The following BRINP3 variants were observed in gnomAD, a reference collection of about 807,000 sequenced individuals.
BRINP3 encodes BMP/retinoic acid inducible neural specific 3.
BRINP3 carries 19 observed loss-of-function variants against 71.0 expected under a neutral mutation model. That is an observed-to-expected ratio of 0.27 (90% CI 0.19 to 0.39). The LOEUF is 0.39. BRINP3 is among the 10% of genes least tolerant of loss of function. The pLI is 1.00. For missense variants in BRINP3, 959 were observed against 940.8 expected (o/e 1.02, Z -0.25); for synonymous variants, 380 against 337.7 (o/e 1.13, Z -1.37).
At chr1:190,405,473 A>C (rs1558256880) in intron 2 of BRINP3, among the ~76,000 whole-genome samples, 15 of 92,128 alleles carry the variant, frequency 1.6e-4, no homozygotes, top group Admixed American at 2.9e-4. Flanking sequence ...AAAAAAAAAA[A>C]AAAAAAAAAA....
At chr1:190,470,933 A>G (rs1444946925) in intron 1 of BRINP3, among the ~76,000 whole-genome samples, 3 of 151,174 alleles carry the variant, frequency 2.0e-5, no homozygotes, top group Admixed American at 2.0e-4. Context: ...TGAGTATGAA[A>G]TTGGGAAATG....
At chr1:190,196,156 A>T (rs970060954) in intron 6 of BRINP3, among the ~76,000 whole-genome samples, 2 of 152,176 alleles carry the variant, frequency 1.3e-5, no homozygotes, top group Admixed American at 1.3e-4. Context: ...CTAATATATT[A>T]TCCCAACCCT....
chr1:190,371,014 T>G (rs936117374), intron 2 of BRINP3, among the ~76,000 whole-genome samples: 1 of 152,204 alleles, frequency 6.6e-6, no homozygotes, highest in African/African-American at 2.4e-5. Context: ...TTTGCCCATA[T>G]TATTATTGAA....
intron 2 of BRINP3, among the ~76,000 whole-genome samples, chr1:190,365,819 T>TATATAC: frequency 6.9e-6 from 1 of 145,526 alleles, no homozygotes; most frequent in Non-Finnish European, 1.5e-5. Context: ...TATATATATA[T>TATATAC]ATATATATAT....
intron 2 of BRINP3, among the ~76,000 whole-genome samples, chr1:190,400,031 T>C (rs529414689): frequency 3.7e-4 from 56 of 152,220 alleles, no homozygotes; most frequent in African/African-American, 1.3e-3. Flanking sequence ...TTAGCATTTG[T>C]TGACCACCCA....
At chr1:190,152,757 T>C (rs1349527389) in intron 7 of BRINP3, among the ~76,000 whole-genome samples, 2 of 152,046 alleles carry the variant, frequency 1.3e-5, no homozygotes, top group Admixed American at 6.6e-5. Flanking sequence ...CAACACTATA[T>C]TTCTACAGAC....
At chr1:190,162,991 G>T (rs187628721) in intron 6 of BRINP3, among the ~76,000 whole-genome samples, 1 of 151,964 alleles carries the variant, frequency 6.6e-6, no homozygotes, top group South Asian at 2.1e-4. Flanking sequence ...TTAAAAAAAT[G>T]ACTAATGATG....
intron 7 of BRINP3, among the ~76,000 whole-genome samples, chr1:190,108,010 A>C (rs1652333429): frequency 6.6e-6 from 1 of 152,070 alleles, no homozygotes; most frequent in Non-Finnish European, 1.5e-5. Context: ...ATGTAATTTC[A>C]AAACTGGTCA....
intron 7 of BRINP3, among the ~76,000 whole-genome samples, chr1:190,149,499 T>C (rs928947825): frequency 6.6e-6 from 1 of 152,192 alleles, no homozygotes; most frequent in Non-Finnish European, 1.5e-5. Context: ...AAAAATCATG[T>C]ATTTAGATCA....
intron 6 of BRINP3, among the ~76,000 whole-genome samples, chr1:190,188,823 C>T (rs189785039): frequency 2.6e-5 from 4 of 151,740 alleles, no homozygotes; most frequent in African/African-American, 7.3e-5. Context: ...TGCAATGGCA[C>T]GATCTCGGCT....
At chr1:190,323,491 T>A (rs1410796794) in intron 2 of BRINP3, among the ~76,000 whole-genome samples, 1 of 151,804 alleles carries the variant, frequency 6.6e-6, no homozygotes, top group South Asian at 2.1e-4. Context: ...TCTTGAGGAA[T>A]GAAGTGCATT....
intron 6 of BRINP3, among the ~76,000 whole-genome samples, chr1:190,203,959 G>T (rs1162310209): frequency 6.6e-6 from 1 of 150,562 alleles, no homozygotes; most frequent in Non-Finnish European, 1.5e-5. Flanking sequence ...TTGTAGATTG[G>T]AATTTGTTAC....
intron 2 of BRINP3, among the ~76,000 whole-genome samples, chr1:190,439,112 G>A (rs748330550): frequency 2.0e-5 from 3 of 151,834 alleles, no homozygotes; most frequent in South Asian, 2.1e-4. Flanking sequence ...GGCGAGAGGC[G>A]TAGGTGAGTA....
chr1:190,156,593 C>T (rs983789206), intron 7 of BRINP3, among the ~76,000 whole-genome samples: 20 of 151,674 alleles, frequency 1.3e-4, no homozygotes, highest in Admixed American at 1.3e-3. Context: ...CAAAATGTTA[C>T]ATTGGCAGTA....
At chr1:190,238,947 G>T (rs113164789) in intron 4 of BRINP3, among the ~76,000 whole-genome samples, 3,313 of 152,186 alleles carry the variant, frequency 0.022, 62 homozygotes, top group Non-Finnish European at 0.034. Context: ...AGGTTTAATC[G>T]ACTTGCAGTT....
intron 2 of BRINP3, among the ~76,000 whole-genome samples, chr1:190,417,070 G>C (rs1673052891): frequency 6.6e-6 from 1 of 152,064 alleles, no homozygotes; most frequent in Non-Finnish European, 1.5e-5. Context: ...CTGTTGCTAA[G>C]GAACTTACAC....
chr1:190,334,609 C>T (rs947920797), intron 2 of BRINP3, among the ~76,000 whole-genome samples: 1 of 151,554 alleles, frequency 6.6e-6, no homozygotes, highest in African/African-American at 2.4e-5. Flanking sequence ...TGACTATGAC[C>T]CTTTTTGCAT....
intron 1 of BRINP3, among the ~76,000 whole-genome samples, chr1:190,468,134 A>G (rs1211066896): frequency 1.3e-5 from 2 of 151,372 alleles, no homozygotes; most frequent in African/African-American, 4.8e-5. Flanking sequence ...CTGGTTTCAG[A>G]TCTTGAGCAA....
At chr1:190,292,166 T>C (rs1571651714) in intron 2 of BRINP3, among the ~76,000 whole-genome samples, 1 of 152,094 alleles carries the variant, frequency 6.6e-6, no homozygotes, top group South Asian at 2.1e-4. Flanking sequence ...TGGGAGGGTT[T>C]GGAAAATGCT....
Sources: allele counts gnomAD v4.1 joint callset (sites outside exome capture counted in the v4.1 genomes callset), GRCh38; gene constraint gnomAD v4.1.1; transcripts MANE v1.5; gene names NCBI Gene and HGNC (gene_info 2026-07-23, HGNC 2026-07-21).